MGAT4C: variants seen among roughly 807,000 people sequenced by gnomAD.
The protein encoded by MGAT4C is MGAT4 family member C.
Under a neutral mutation model 40.1 loss-of-function variants are expected in MGAT4C, and 19 were observed. That is an observed-to-expected ratio of 0.47 (90% CI 0.33 to 0.70). MGAT4C has a LOEUF of 0.70. Among genes scored for constraint, MGAT4C ranks in the 30% least tolerant of loss-of-function variants. The pLI is 0.02. For synonymous variants in MGAT4C, 181 were observed against 187.1 expected, an observed-to-expected ratio of 0.97 and a Z score of 0.27; for missense variants, 491 against 563.2, an observed-to-expected ratio of 0.87 and a Z score of 1.30.
At chr12:86,295,023 A>G (rs1216498037) in intron 4 of MGAT4C, among the ~76,000 whole-genome samples, 1 of 152,164 alleles carries the variant, frequency 6.6e-6, no homozygotes, top group Non-Finnish European at 1.5e-5. Context: ...CTTCCAATCA[A>G]GTCATCACAA....
rs554699468 is a variant in MGAT4C at position 86,020,391 on chromosome 12, T to C, written c.-7+29283A>G. 7.9e-5 allele frequency among the ~76,000 whole-genome samples: 12 copies of C among 152,276 alleles called. No individual in the cohort carries two copies. In the East Asian group the frequency reaches 1.7e-3, roughly 22 times the overall value. On this transcript the variant is annotated intron_variant, in intron 2 of 4. Coordinates refer to ENST00000611864, the MANE Select transcript of MGAT4C (RefSeq NM_001351288.2). Reference sequence around the variant, plus strand: ...TGGTACTGGTACCAAAACAGAGATATAGACCAATGGAACAGAACAGAGCTC... The same window carrying C: ...TGGTACTGGTACCAAAACAGAGATACAGACCAATGGAACAGAACAGAGCTC...
At chr12:86,640,304 T>C (rs1963342817) in intron 2 of MGAT4C, among the ~76,000 whole-genome samples, 1 of 151,838 alleles carries the variant, frequency 6.6e-6, no homozygotes, top group East Asian at 1.9e-4. Context: ...TAGTTTGCTA[T>C]GGTAATAAGT....
At position 86,590,247 on chromosome 12, in the gene MGAT4C, G is replaced by C. The variant is rs1243411101; in HGVS notation, c.-229+136962C>G. Among the ~76,000 whole-genome samples, 42 of 4,738 alleles carry C rather than the reference G, an allele frequency of 8.9e-3. 1 individual carries two copies. The highest frequency in any genetic ancestry group is 0.025 in the Non-Finnish European group (23 of 912). 3.1% of individuals were successfully genotyped at this position (4,738 alleles called of 152,430 possible). ...TTAATCATGACCATTTACCAAGGAT[G>C]AAATTGAAGCTCAGAGAAATTTTAA... On this transcript the variant is annotated intron_variant, in intron 2 of 7. Transcript: ENST00000548651.
intron 2 of MGAT4C, among the ~76,000 whole-genome samples, chr12:85,993,612 G>A (rs1245988343): frequency 2.6e-5 from 4 of 152,178 alleles, no homozygotes; most frequent in Non-Finnish European, 5.9e-5. Context: ...AGGGGGATGA[G>A]TTAATCACAC....
chr12:86,057,592 G>A (rs1893531247), intron 1 of MGAT4C, among the ~76,000 whole-genome samples: 1 of 152,086 alleles, frequency 6.6e-6, no homozygotes, highest in African/African-American at 2.4e-5. Context: ...TGCAGGAATG[G>A]CTGTGACCCC....
intron 4 of MGAT4C, among the ~76,000 whole-genome samples, chr12:86,278,756 T>A (rs1269447320): frequency 6.6e-6 from 1 of 152,184 alleles, no homozygotes; most frequent in Admixed American, 6.5e-5. Flanking sequence ...GTGGTCAAAG[T>A]GGGCATCCTT....
At chr12:86,087,951 T>C (rs1459576551) in intron 1 of MGAT4C, among the ~76,000 whole-genome samples, 3 of 151,642 alleles carry the variant, frequency 2.0e-5, no homozygotes, top group Non-Finnish European at 4.4e-5. Flanking sequence ...AAGAACAAAG[T>C]TGGAGGCATC....
At chr12:86,287,051 T>G (rs1953369584) in intron 4 of MGAT4C, among the ~76,000 whole-genome samples, 3 of 152,170 alleles carry the variant, frequency 2.0e-5, no homozygotes, top group Admixed American at 2.0e-4. Flanking sequence ...GATGAACATA[T>G]GCATGCATGT....
chr12:86,816,092 T>C (rs1436912436), intron 1 of MGAT4C, among the ~76,000 whole-genome samples: 1 of 151,950 alleles, frequency 6.6e-6, no homozygotes, highest in African/African-American at 2.4e-5. Context: ...AATAAGATTT[T>C]GAGTAGAAAA....
chr12:86,615,070 T>C lies in MGAT4C; in HGVS notation c.-229+112139A>G, dbSNP rs538574014. ...TGGCAGTATTACTGAAATTGCTGTA[T>C]CTAGAATATAGGTATTATATATGGT... is the stretch of plus-strand genomic sequence containing the variant. On this transcript the variant is annotated intron_variant, in intron 2 of 7. Transcript: ENST00000548651. Among the ~76,000 whole-genome samples the C allele has an allele frequency of 6.6e-5, 10 of 152,164 alleles. No individual in the cohort carries two copies. The South Asian group carries it at 1.7e-3, about 25-fold the overall frequency.
At chr12:86,787,735 G>A (rs1951956864) in intron 1 of MGAT4C, among the ~76,000 whole-genome samples, 1 of 152,096 alleles carries the variant, frequency 6.6e-6, no homozygotes, top group South Asian at 2.1e-4. Context: ...AGAACTTATA[G>A]TAGAATGATG....
chr12:86,143,178 A>G (rs1013525742), intron 1 of MGAT4C, among the ~76,000 whole-genome samples: 3 of 152,166 alleles, frequency 2.0e-5, no homozygotes, highest in Non-Finnish European at 2.9e-5. Flanking sequence ...AGTGAATCCC[A>G]TGCCTGAGGG....
chr12:85,979,485 C>T lies in MGAT4C; in HGVS notation c.1241G>A (p.Gly414Glu), dbSNP rs779294242. 11 of 1,613,288 alleles carry T rather than the reference C, an allele frequency of 6.8e-6. No homozygotes were observed. The highest frequency in any genetic ancestry group is 9.3e-6 in the Non-Finnish European group (11 of 1,179,566). The change falls in exon 5 of 5, where the codon GGG (glycine) becomes GAG (glutamate). Residue 414 changes from glycine to glutamate, a missense_variant. Gly to Glu is a moderately conservative substitution (Grantham distance 98). Coordinates refer to ENST00000611864, the MANE Select transcript of MGAT4C (RefSeq NM_001351288.2). ...DILHHGALDVGENVMPSKQRR... is the reference protein window; with the variant it reads ...DILHHGALDVEENVMPSKQRR... ...TTGTTTGCTAGGCATAACGTTTTCC[C>T]CAACATCTAGGGCTCCATGATGCAA...
intron 1 of MGAT4C, among the ~76,000 whole-genome samples, chr12:86,058,437 G>C (rs1170030207): frequency 6.6e-6 from 1 of 151,968 alleles, no homozygotes; most frequent in Non-Finnish European, 1.5e-5. Flanking sequence ...TGTTTCCCTA[G>C]TAGTTTATAT....
chr12:86,719,680 C>T (rs529481135), intron 2 of MGAT4C, among the ~76,000 whole-genome samples: 75 of 152,234 alleles, frequency 4.9e-4, no homozygotes, highest in African/African-American at 1.6e-3. Flanking sequence ...GCTGAGTGTT[C>T]GCAGCTAGCT....
At chr12:86,457,457 T>A (rs1394946388) in intron 2 of MGAT4C, among the ~76,000 whole-genome samples, 1 of 152,132 alleles carries the variant, frequency 6.6e-6, no homozygotes, top group Admixed American at 6.6e-5. Context: ...TTGATTTTAT[T>A]TATGAATAGA....
intron 2 of MGAT4C, among the ~76,000 whole-genome samples, chr12:86,466,348 T>C (rs1260912620): frequency 1.3e-5 from 2 of 152,204 alleles, no homozygotes; most frequent in Non-Finnish European, 1.5e-5. Flanking sequence ...CAATGGAATA[T>C]TGTTCAGCAC....
In MGAT4C at chr12:85,970,140, T is replaced by G. The variant is rs1041655627; in HGVS notation, c.*9149A>C. The G allele has an allele frequency of 2.0e-5, 3 of 151,348 alleles. No homozygotes were observed. The highest frequency in any genetic ancestry group is 7.2e-5 in the African/African-American group (3 of 41,382). The allele number at this position is 151,348 out of a possible 1,614,324, so 9.4% of individuals were successfully genotyped here. On this transcript the variant is annotated 3_prime_UTR_variant, in exon 5 of 5. Transcript: ENST00000611864. ...TTATTAATATAATTTAGCTACATAA[T>G]TCCTAAGGAAATATTAATTCATAAA... is the stretch of plus-strand genomic sequence containing the variant.
chr12:86,539,249 C>T lies in MGAT4C; in HGVS notation c.-228-103984G>A, dbSNP rs1461307840. 2.0e-5 allele frequency among the ~76,000 whole-genome samples: 3 copies of T among 149,978 alleles called. No homozygotes were observed. In the Admixed American group the frequency reaches 2.0e-4, roughly 10 times the overall value. On this transcript the variant is annotated intron_variant, in intron 2 of 7. Transcript: ENST00000548651. Reference sequence around the variant, plus strand: ...TCCAAGTGTTCTCATTGTTCAATTCCCACCTATGAATGAGAACATGCAGTG... The same window carrying T: ...TCCAAGTGTTCTCATTGTTCAATTCTCACCTATGAATGAGAACATGCAGTG...
Sources: allele counts gnomAD v4.1 joint callset (sites outside exome capture counted in the v4.1 genomes callset), GRCh38; gene constraint gnomAD v4.1.1; transcripts MANE v1.5; gene names NCBI Gene and HGNC (gene_info 2026-07-23, HGNC 2026-07-21).